The following PTPRD variants were observed in gnomAD, a reference collection of about 807,000 sequenced individuals.
PTPRD encodes the protein protein tyrosine phosphatase receptor type D.
A neutral mutation model predicts 214.5 loss-of-function variants in PTPRD; 34 were observed. The ratio of observed to expected loss-of-function variants is 0.16; its 90% CI spans 0.12 to 0.21. The LOEUF is 0.21. Ranked by LOEUF, PTPRD falls within the 10% of genes least tolerant of loss-of-function variation. PTPRD has a pLI of 1.00. For missense variants in PTPRD, 2,545 were observed against 2,398.7 expected, an observed-to-expected ratio of 1.06 and a Z score of -1.27; for synonymous variants, 1,128 against 845.7, an observed-to-expected ratio of 1.33 and a Z score of -5.79.
At position 10,443,794 on chromosome 9, in the gene PTPRD, G is replaced by GA. The variant is rs560393018; in HGVS notation, c.-599-102778dup. ...GCCTGGCTTCAGAAGATGTTAATTAGAAAAAAAAAAGCTAATAATTTAGGA... is the reference window on the plus strand; with the variant it reads ...GCCTGGCTTCAGAAGATGTTAATTAGAAAAAAAAAAAGCTAATAATTTAGGA... On this transcript the variant is annotated intron_variant, in intron 2 of 45. Coordinates refer to ENST00000381196, the MANE Select transcript of PTPRD (RefSeq NM_002839.4). 5.2e-3 allele frequency among the ~76,000 whole-genome samples: 738 copies of GA among 141,236 alleles called. 1 individual carries two copies. Among genetic ancestry groups the GA allele is most frequent in the African/African-American group, 0.016 (631 of 38,574 alleles). The allele number at this position is 141,236 out of a possible 152,430, so 92.7% of individuals were successfully genotyped here. A position where few individuals can be genotyped will look rare whatever the true frequency, so the allele number is the denominator to read the frequency against.
At chr9:8,797,813 T>C (rs778570322) in intron 11 of PTPRD, among the ~76,000 whole-genome samples, 19 of 152,218 alleles carry the variant, frequency 1.2e-4, no homozygotes, top group Non-Finnish European at 2.6e-4. Flanking sequence ...CATATTTGTA[T>C]TTATTCACTT....
chr9:10,221,567 T>C (rs998634481), intron 3 of PTPRD, among the ~76,000 whole-genome samples: 3 of 152,018 alleles, frequency 2.0e-5, no homozygotes, highest in Non-Finnish European at 2.9e-5. Flanking sequence ...CCTGAGCCAA[T>C]AGGAATGCAT....
chr9:10,136,408 A>G (rs2098944031), intron 3 of PTPRD, among the ~76,000 whole-genome samples: 1 of 152,124 alleles, frequency 6.6e-6, no homozygotes, highest in South Asian at 2.1e-4. Flanking sequence ...AGAATACTCA[A>G]CCTAACAACC....
At chr9:10,602,982 T>C (rs2133428419) in intron 2 of PTPRD, among the ~76,000 whole-genome samples, 1 of 151,952 alleles carries the variant, frequency 6.6e-6, no homozygotes, top group African/African-American at 2.4e-5. Context: ...TGAGGTGAAC[T>C]AACTCAAAAC....
intron 45 of PTPRD, among the ~76,000 whole-genome samples, chr9:8,318,231 A>G (rs996924): frequency 0.12 from 18,014 of 151,974 alleles, 1,795 homozygotes; most frequent in African/African-American, 0.28. Flanking sequence ...TCCAAGTAGT[A>G]TCAAACCATT....
intron 14 of PTPRD, among the ~76,000 whole-genome samples, chr9:8,594,045 C>T (rs1182245892): frequency 6.6e-6 from 1 of 152,134 alleles, no homozygotes; most frequent in Non-Finnish European, 1.5e-5. Flanking sequence ...AAGTTAACTT[C>T]CTAATAGTAG....
intron 11 of PTPRD, among the ~76,000 whole-genome samples, chr9:8,811,234 T>A (rs1302744647): frequency 2.0e-5 from 3 of 152,096 alleles, no homozygotes; most frequent in African/African-American, 2.4e-5. Flanking sequence ...GAGAGAACCC[T>A]TCCCGACAAC....
intron 2 of PTPRD, among the ~76,000 whole-genome samples, chr9:10,581,966 T>G (rs762888778): frequency 1.3e-5 from 2 of 152,170 alleles, no homozygotes; most frequent in Non-Finnish European, 2.9e-5. Context: ...TAACCTAGAA[T>G]TAAGCATTTA....
intron 11 of PTPRD, among the ~76,000 whole-genome samples, chr9:9,011,045 C>T (rs1460551960): frequency 6.6e-6 from 1 of 152,086 alleles, no homozygotes; most frequent in Non-Finnish European, 1.5e-5. Flanking sequence ...TTAGATTGCC[C>T]TAGTTAAAAA....
chr9:9,186,663 TCTCA>T (rs1250762705), intron 9 of PTPRD, among the ~76,000 whole-genome samples: 30 of 126,516 alleles, frequency 2.4e-4, no homozygotes, highest in South Asian at 5.4e-4. Context: ...TCTCTCTCTC[TCTCA>T]CACACACACA....
intron 11 of PTPRD, among the ~76,000 whole-genome samples, chr9:8,941,979 T>C (rs7022071): frequency 0.44 from 66,683 of 151,912 alleles, 15,574 homozygotes; most frequent in East Asian, 0.76. Flanking sequence ...CTAATTTTTG[T>C]ATTTTTACTA....
intron 2 of PTPRD, among the ~76,000 whole-genome samples, chr9:10,415,773 G>A (rs570867743): frequency 6.6e-6 from 1 of 151,962 alleles, no homozygotes; most frequent in South Asian, 2.1e-4. Context: ...AGAAAGAGGA[G>A]GGTTTAGAGA....
At chr9:10,482,251 G>T (rs559179396) in intron 2 of PTPRD, among the ~76,000 whole-genome samples, 5 of 151,786 alleles carry the variant, frequency 3.3e-5, no homozygotes, top group Admixed American at 2.0e-4. Context: ...GGTGCCTGTA[G>T]TCCCAGCTAC....
chr9:8,961,359 T>A (rs776169355), intron 11 of PTPRD, among the ~76,000 whole-genome samples: 15 of 152,118 alleles, frequency 9.9e-5, no homozygotes, highest in Non-Finnish European at 2.2e-4. Context: ...TTACATTCTT[T>A]CCCCGTGTCA....
intron 11 of PTPRD, among the ~76,000 whole-genome samples, chr9:8,970,212 G>A (rs1029964111): frequency 1.1e-4 from 16 of 151,940 alleles, no homozygotes; most frequent in Admixed American, 8.5e-4. Context: ...CTCTAGGCTA[G>A]TGCTATGGGC....
chr9:10,430,677 TA>T (rs2098668899), intron 2 of PTPRD, among the ~76,000 whole-genome samples: 1 of 151,906 alleles, frequency 6.6e-6, no homozygotes, highest in Admixed American at 6.6e-5. Flanking sequence ...CTGAGTTCTA[TA>T]AAAATATATA....
At chr9:8,853,858 T>G (rs931947812) in intron 11 of PTPRD, among the ~76,000 whole-genome samples, 4 of 152,106 alleles carry the variant, frequency 2.6e-5, no homozygotes, top group Admixed American at 6.6e-5. Context: ...AAAAGATATT[T>G]TCAAAGAAAC....
chr9:10,607,140 A>T (rs1051234884), intron 2 of PTPRD, among the ~76,000 whole-genome samples: 2 of 151,876 alleles, frequency 1.3e-5, no homozygotes, highest in Non-Finnish European at 2.9e-5. Flanking sequence ...CCTTTTTAGC[A>T]TCTAATGTAA....
At chr9:9,579,725 A>T (rs140309729) in intron 7 of PTPRD, among the ~76,000 whole-genome samples, 1,604 of 152,202 alleles carry the variant, frequency 0.011, 17 homozygotes, top group Non-Finnish European at 0.016. Flanking sequence ...TGTAAATTTG[A>T]GGGGTATAAG....
Sources: gnomAD v4.1 joint callset for allele counts (sites outside exome capture counted in the v4.1 genomes callset) on GRCh38, gnomAD v4.1.1 for gene constraint, MANE v1.5 for transcripts, NCBI Gene and HGNC (gene_info 2026-07-23, HGNC 2026-07-21) for gene names.